The following RALGAPA2 variants were observed in gnomAD, a reference collection of about 807,000 sequenced individuals.
RALGAPA2 encodes ral GTPase-activating protein subunit alpha-2.
A neutral mutation model predicts 230.4 loss-of-function variants in RALGAPA2; 139 were observed. That is an observed-to-expected ratio of 0.60 (90% CI 0.53 to 0.69). The LOEUF (loss-of-function observed/expected upper bound fraction) is 0.69. RALGAPA2 is among the 30% of genes least tolerant of loss of function. The pLI is 0.00. For synonymous variants in RALGAPA2, 847 were observed against 837.8 expected (o/e 1.01, Z -0.19); for missense variants, 2,163 against 2,276.0 (o/e 0.95, Z 1.01).
At chr20:20,660,939 G>A (rs533713467) in intron 3 of RALGAPA2, among the ~76,000 whole-genome samples, 7 of 152,036 alleles carry the variant, frequency 4.6e-5, no homozygotes, top group African/African-American at 1.7e-4. Flanking sequence ...ACCAAATGCA[G>A]GGTCTGTCAT....
chr20:20,662,239 G>A (rs2067805408), intron 3 of RALGAPA2, among the ~76,000 whole-genome samples: 1 of 151,968 alleles, frequency 6.6e-6, no homozygotes, highest in Admixed American at 6.6e-5. Context: ...TACACTGGGA[G>A]TCCACCATCA....
chr20:20,397,471 G>A (rs1407714658), intron 38 of RALGAPA2, among the ~76,000 whole-genome samples: 4 of 152,220 alleles, frequency 2.6e-5, no homozygotes, highest in African/African-American at 7.2e-5. Context: ...TTCCTACGGC[G>A]GGGTTTCCTT....
intron 1 of RALGAPA2, among the ~76,000 whole-genome samples, chr20:20,686,217 A>T (rs1353846484): frequency 6.6e-6 from 1 of 152,188 alleles, no homozygotes; most frequent in Non-Finnish European, 1.5e-5. Flanking sequence ...TGGACAAGTT[A>T]TTTAAACACT....
At chr20:20,601,604 TTTTTAACACAC>T in intron 16 of RALGAPA2, 67 bp downstream of exon 16, 1 of 1,432,000 alleles carries the variant, frequency 7.0e-7, no homozygotes, top group South Asian at 1.4e-5. Context: ...TTGAGTAGAA[TTTTTAACACAC>T]TTTATGCCTA....
At chr20:20,622,932 A>G (rs2066366618) in intron 10 of RALGAPA2, among the ~76,000 whole-genome samples, 1 of 152,208 alleles carries the variant, frequency 6.6e-6, no homozygotes, top group Non-Finnish European at 1.5e-5. Context: ...AAATAGAGCT[A>G]ACATGTGTAC....
chr20:20,512,919 A>T lies in RALGAPA2; in HGVS notation c.4450T>A (p.Cys1484Ser). Reference sequence around the variant, plus strand: ...GGATTTCTTCCATTGGGTGCTAAGCAGCCTTCCAAAGGTCCATATAAAACC... The same window carrying T: ...GGATTTCTTCCATTGGGTGCTAAGCTGCCTTCCAAAGGTCCATATAAAACC... ...GKVLYGPLEG[C>S]LAPNGRNPSF... Residue 1484 changes from cysteine to serine, a missense_variant, in exon 32 of 40, where the codon TGC becomes AGC. Physicochemically the swap from Cys to Ser is moderately radical, Grantham distance 112. Coordinates refer to ENST00000202677, the MANE Select transcript of RALGAPA2 (RefSeq NM_020343.4). 6.2e-7 allele frequency: 1 copy of T among 1,613,930 alleles called. No individual in the cohort carries two copies. Among genetic ancestry groups the T allele is most frequent in the Non-Finnish European group, 8.5e-7 (1 of 1,179,806 alleles).
chr20:20,623,494 G>A (rs2066384870), intron 10 of RALGAPA2, among the ~76,000 whole-genome samples: 1 of 145,750 alleles, frequency 6.9e-6, no homozygotes. Context: ...AAACTGATAG[G>A]CTTTCAAAAA....
At chr20:20,497,693 CTAAG>C (rs1435561065) in intron 35 of RALGAPA2, among the ~76,000 whole-genome samples, 1 of 152,156 alleles carries the variant, frequency 6.6e-6, no homozygotes, top group Non-Finnish European at 1.5e-5. Flanking sequence ...ATTACATAAC[CTAAG>C]TAAGTATCTC....
intron 16 of RALGAPA2, among the ~76,000 whole-genome samples, chr20:20,597,090 G>A (rs2065478189): frequency 6.6e-6 from 1 of 152,102 alleles, no homozygotes; most frequent in African/African-American, 2.4e-5. Context: ...ATTACTAATA[G>A]GAAGAGATTT....
At chr20:20,428,322 C>T (rs1262240549) in intron 37 of RALGAPA2, among the ~76,000 whole-genome samples, 2 of 152,014 alleles carry the variant, frequency 1.3e-5, no homozygotes, top group African/African-American at 2.4e-5. Flanking sequence ...ATATCATCTT[C>T]GTGACTAAAA....
intron 7 of RALGAPA2, among the ~76,000 whole-genome samples, chr20:20,637,747 G>A (rs919314198): frequency 1.3e-5 from 2 of 152,044 alleles, no homozygotes; most frequent in African/African-American, 4.8e-5. Context: ...CAATGATATC[G>A]TATCTTTTAT....
chr20:20,555,025 C>G (rs1403794565), intron 23 of RALGAPA2, among the ~76,000 whole-genome samples: 3 of 152,122 alleles, frequency 2.0e-5, no homozygotes. Context: ...AGACTTAGTC[C>G]TTTCCTTTCT....
chr20:20,464,754 G>A (rs2061376807), intron 37 of RALGAPA2, among the ~76,000 whole-genome samples: 1 of 152,124 alleles, frequency 6.6e-6, no homozygotes, highest in Non-Finnish European at 1.5e-5. Context: ...GGGTGATAAT[G>A]TTAGAATGAT....
chr20:20,538,909 G>A (rs1016045630), intron 24 of RALGAPA2, among the ~76,000 whole-genome samples: 2 of 152,038 alleles, frequency 1.3e-5, no homozygotes, highest in Non-Finnish European at 2.9e-5. Flanking sequence ...CAAAGTAACC[G>A]TATTCTGCTG....
chr20:20,686,915 T>C (rs1480449086), intron 1 of RALGAPA2, among the ~76,000 whole-genome samples: 1 of 152,108 alleles, frequency 6.6e-6, no homozygotes, highest in African/African-American at 2.4e-5. Context: ...TGGGATGCTA[T>C]CAAGGGAGGA....
intron 1 of RALGAPA2, among the ~76,000 whole-genome samples, chr20:20,681,674 C>T (rs2068526706): frequency 6.6e-6 from 1 of 152,156 alleles, no homozygotes; most frequent in Non-Finnish European, 1.5e-5. Flanking sequence ...GGAGAATACA[C>T]TAGCATCTGA....
rs973610731 is a variant in RALGAPA2 at position 20,640,965 on chromosome 20, A to G, written c.373-87T>C. 1.5e-5 allele frequency: 19 copies of G among 1,228,940 alleles called. No homozygotes were observed. The African/African-American group carries it at 2.7e-4, about 18-fold the overall frequency. The allele number at this position is 1,228,940 out of a possible 1,614,324, so 76.1% of individuals were successfully genotyped here. ...GTAGCATCGGTCTTGAGAAAGAAAAACTACAAGTTAAAGGTGTGTTAAGTA... is the reference window on the plus strand; with the variant it reads ...GTAGCATCGGTCTTGAGAAAGAAAAGCTACAAGTTAAAGGTGTGTTAAGTA... On this transcript the variant is annotated intron_variant, in intron 5 of 39. Transcript: ENST00000202677.
intron 3 of RALGAPA2, chr20:20,659,969 T>G (rs889587009): frequency 3.8e-6 from 1 of 262,752 alleles, no homozygotes; most frequent in Admixed American, 4.5e-5. Flanking sequence ...ATTGGCTGGG[T>G]GCAGTGGCTC....
chr20:20,568,678 T>A (rs2064527459), intron 23 of RALGAPA2, among the ~76,000 whole-genome samples: 1 of 152,230 alleles, frequency 6.6e-6, no homozygotes, highest in Non-Finnish European at 1.5e-5. Flanking sequence ...ACTACTGACA[T>A]AATTTTGATA....
Sources: allele counts gnomAD v4.1 joint callset (sites outside exome capture counted in the v4.1 genomes callset), GRCh38; gene constraint gnomAD v4.1.1; transcripts MANE v1.5; gene names NCBI Gene and HGNC (gene_info 2026-07-23, HGNC 2026-07-21).